The following NDUFA6 variants were observed in gnomAD, a reference collection of about 807,000 sequenced individuals.
The protein encoded by NDUFA6 is NADH:ubiquinone oxidoreductase subunit A6.
A neutral mutation model predicts 12.5 loss-of-function variants in NDUFA6; 10 were observed. The ratio of observed to expected loss-of-function variants is 0.80; its 90% CI spans 0.49 to 1.35. The LOEUF (loss-of-function observed/expected upper bound fraction) is 1.35, where lower values mean the gene tolerates loss of function less well. Among genes scored for constraint, NDUFA6 ranks in the 40% most tolerant of loss-of-function variants. The probability of loss-of-function intolerance (pLI) is 0.00; values close to 1 mark genes in which losing one functional copy is unlikely to be tolerated. For missense variants in NDUFA6, 177 were observed against 173.5 expected, an observed-to-expected ratio of 1.02 and a Z score of -0.11; for synonymous variants, 66 against 63.0, an observed-to-expected ratio of 1.05 and a Z score of -0.23.
In NDUFA6 at chr22:42,085,961, A is replaced by G. The variant is rs1023527691; in HGVS notation, c.*222T>C. On this transcript the variant is annotated 3_prime_UTR_variant, in exon 3 of 3. Coordinates refer to ENST00000498737, the MANE Select transcript of NDUFA6 (RefSeq NM_002490.6). ...CCTTCCTTCCTGTTTACTGACATGC[A>G]AGGCTCTGAGAAAAATAATTCAATC... The G allele has an allele frequency of 2.7e-5, 17 of 633,010 alleles. No individual in the cohort carries two copies. Among genetic ancestry groups the G allele is most frequent in the Non-Finnish European group, 3.9e-5 (14 of 362,342 alleles). The allele number at this position is 633,010 out of a possible 1,614,324, so 39.2% of individuals were successfully genotyped here. A position where few individuals can be genotyped will look rare whatever the true frequency, so the allele number is the denominator to read the frequency against.
chr22:42,087,584 T>G (rs919172466), intron 1 of NDUFA6, among the ~76,000 whole-genome samples: 1 of 137,310 alleles, frequency 7.3e-6, no homozygotes, highest in Non-Finnish European at 1.6e-5. Flanking sequence ...GGGCGGATCA[T>G]GAGGTCAGGA....
At chr22:42,088,976 CCTT>C (rs778433668) in intron 1 of NDUFA6, among the ~76,000 whole-genome samples, 65 of 151,960 alleles carry the variant, frequency 4.3e-4, no homozygotes, top group Non-Finnish European at 6.8e-4. Context: ...CTCCTTGACC[CCTT>C]CTTTTCTCTC....
rs376871432 is a variant in NDUFA6, at chr22:42,090,731, C to G, written c.14G>C (p.Gly5Ala). Residue 5 changes from glycine to alanine, a missense_variant, in exon 1 of 3, where the codon GGC becomes GCC. By Grantham distance (60) the Gly-to-Ala change is moderately conservative (BLOSUM62 0). Around this residue, in one of 3 missense-constraint regions of NDUFA6, gnomAD observed 111 missense variants for 87.2 expected, o/e 1.27. Coordinates refer to ENST00000498737, the MANE Select transcript of NDUFA6 (RefSeq NM_002490.6). ...GGCGGTAGAAGTAGCTTGGCGGACG[C>G]CGCTCCCCGCCATCTTGCCAAAGCA... MAGS[G>A]VRQATSTAST... 1.2e-6 allele frequency: 2 copies of G among 1,614,148 alleles called. No individual in the cohort carries two copies. The highest frequency in any genetic ancestry group is 2.2e-5 in the East Asian group (1 of 44,884).
chr22:42,088,963 A>G (rs1602521006), intron 1 of NDUFA6, among the ~76,000 whole-genome samples: 1 of 152,126 alleles, frequency 6.6e-6, no homozygotes, highest in East Asian at 1.9e-4. Flanking sequence ...ATAGGGATGC[A>G]TACTCCTTGA....
intron 1 of NDUFA6, 98 bp downstream of exon 1, chr22:42,090,508 G>A: frequency 7.0e-7 from 1 of 1,433,492 alleles, no homozygotes; most frequent in Non-Finnish European, 9.7e-7. Context: ...CTCTGCCCAA[G>A]TTGGTGACCT....
At chr22:42,089,327 AACACACACAC>A (rs59418535) in intron 1 of NDUFA6, among the ~76,000 whole-genome samples, 5 of 147,148 alleles carry the variant, frequency 3.4e-5, no homozygotes, top group Admixed American at 1.4e-4. Context: ...ACCACCCCGA[AACACACACAC>A]ACACACACAC....
intron 1 of NDUFA6, among the ~76,000 whole-genome samples, chr22:42,088,167 G>A (rs931454614): frequency 2.0e-5 from 3 of 149,578 alleles, no homozygotes; most frequent in East Asian, 2.0e-4. Context: ...CAGCACTTTG[G>A]GAGGCCGAGG....
chr22:42,089,282 A>G (rs1236298310), intron 1 of NDUFA6, among the ~76,000 whole-genome samples: 1 of 151,124 alleles, frequency 6.6e-6, no homozygotes, highest in Non-Finnish European at 1.5e-5. Context: ...TCTGCCAGGC[A>G]AACATTATGT....
intron 2 of NDUFA6, 90 bp from the exon 3 acceptor site, chr22:42,086,404 TG>T: frequency 6.4e-7 from 1 of 1,554,516 alleles, no homozygotes; most frequent in Non-Finnish European, 8.9e-7. Context: ...CTGCTCAGCA[TG>T]GACTTGTTGA....
At chr22:42,089,815 G>A (rs1008614452) in intron 1 of NDUFA6, 2 of 152,192 alleles carry the variant, frequency 1.3e-5, no homozygotes, top group Admixed American at 6.6e-5. Flanking sequence ...AGCGCCTGAA[G>A]AAAAGTCCGT....
In NDUFA6 at chr22:42,086,055, T is replaced by C. The variant is rs961800837; in HGVS notation, c.*128A>G. 2 of 1,299,524 alleles carry C rather than the reference T, an allele frequency of 1.5e-6. No individual in the cohort carries two copies. Among genetic ancestry groups the C allele is most frequent in the African/African-American group, 2.9e-5 (2 of 68,602 alleles). The allele number at this position is 1,299,524 out of a possible 1,614,324, so 80.5% of individuals were successfully genotyped here. A position where few individuals can be genotyped will look rare whatever the true frequency, so the allele number is the denominator to read the frequency against. On this transcript the variant is annotated 3_prime_UTR_variant, in exon 3 of 3. Coordinates refer to ENST00000498737, the MANE Select transcript of NDUFA6 (RefSeq NM_002490.6). ...GGTGATGTGTATACCAAGGTCCCAC[T>C]TGCTCAGGCAAAAAGAGGCTGCAGA... is the stretch of plus-strand genomic sequence containing the variant.
intron 1 of NDUFA6, among the ~76,000 whole-genome samples, chr22:42,089,083 A>AT (rs1353054321): frequency 6.6e-6 from 1 of 151,956 alleles, no homozygotes; most frequent in African/African-American, 2.4e-5. Context: ...CCAAAACAGA[A>AT]TTTGAGGGAA....
intron 1 of NDUFA6, 89 bp downstream of exon 1, chr22:42,090,517 C>T: frequency 6.6e-7 from 1 of 1,506,296 alleles, no homozygotes; most frequent in East Asian, 2.3e-5. Context: ...AGTTGGTGAC[C>T]TCAGCTGGGC....
At chr22:42,089,178 A>G (rs1295616778) in intron 1 of NDUFA6, among the ~76,000 whole-genome samples, 1 of 151,352 alleles carries the variant, frequency 6.6e-6, no homozygotes, top group African/African-American at 2.4e-5. Flanking sequence ...CCACTGATTT[A>G]CCCTTCACAA....
chr22:42,087,009 G>T, intron 2 of NDUFA6, 51 bp downstream of exon 2: 1 of 1,225,336 alleles, frequency 8.2e-7, no homozygotes, highest in Non-Finnish European at 1.2e-6. Context: ...AGACTAAGAA[G>T]TAGTGGACAA....
rs1416907779 is a variant in NDUFA6 at position 42,085,641 on chromosome 22, C to G, written c.*542G>C. ...TATATTGAACAGCTGTGCACCTAAG[C>G]AGGGTGCCTGAGTAGGAAGTTAATT... On this transcript the variant is annotated 3_prime_UTR_variant, in exon 3 of 3. Coordinates refer to ENST00000498737, the MANE Select transcript of NDUFA6 (RefSeq NM_002490.6). 1 of 204,824 alleles carries G rather than the reference C, an allele frequency of 4.9e-6. No homozygotes were observed. Among genetic ancestry groups the G allele is most frequent in the Non-Finnish European group, 1.0e-5 (1 of 99,836 alleles). 12.7% of individuals were successfully genotyped at this position (204,824 alleles called of 1,614,324 possible).
In NDUFA6 at chr22:42,085,936, C is replaced by T. The variant is rs1012080958; in HGVS notation, c.*247G>A. ...GTCACAATTTTTGAACAGATGGCCT[C>T]CTTCCTTCCTGTTTACTGACATGCA... On this transcript the variant is annotated 3_prime_UTR_variant, in exon 3 of 3. Coordinates refer to ENST00000498737, the MANE Select transcript of NDUFA6 (RefSeq NM_002490.6). 9.2e-5 allele frequency: 54 copies of T among 589,918 alleles called. No individual in the cohort carries two copies. The highest frequency in any genetic ancestry group is 1.8e-4 in the Admixed American group (6 of 34,252). The allele number at this position is 589,918 out of a possible 1,614,324, so 36.5% of individuals were successfully genotyped here. A position where few individuals can be genotyped will look rare whatever the true frequency, so the allele number is the denominator to read the frequency against.
At chr22:42,088,939 C>T (rs1320292378) in intron 1 of NDUFA6, among the ~76,000 whole-genome samples, 1 of 152,068 alleles carries the variant, frequency 6.6e-6, no homozygotes, top group Non-Finnish European at 1.5e-5. Context: ...AGCTACAGAT[C>T]ACTGATCTTC....
chr22:42,090,516 C>T (rs1928572887), intron 1 of NDUFA6, 90 bp downstream of exon 1: 5 of 1,490,250 alleles, frequency 3.4e-6, no homozygotes, highest in Non-Finnish European at 4.6e-6. Flanking sequence ...AAGTTGGTGA[C>T]CTCAGCTGGG....
Sources: gnomAD v4.1 joint callset for allele counts (sites outside exome capture counted in the v4.1 genomes callset) on GRCh38, gnomAD v4.1.1 for gene constraint, gnomAD v4.1.1 regional missense constraint, MANE v1.5 for transcripts, NCBI Gene and HGNC (gene_info 2026-07-23, HGNC 2026-07-21) for gene names.